LRRC49: variants seen among roughly 807,000 people sequenced by gnomAD.
LRRC49 encodes the protein leucine rich repeat containing 49.
A neutral mutation model predicts 83.3 loss-of-function variants in LRRC49; 50 were observed. The observed-to-expected ratio is 0.60, with a 90% CI of 0.48 to 0.76. The LOEUF is 0.76. LRRC49 is among the 30% of genes least tolerant of loss of function. The pLI is 0.00. For missense variants in LRRC49, 704 were observed against 809.1 expected (o/e 0.87, Z 1.58); for synonymous variants, 286 against 283.3 (o/e 1.01, Z -0.10).
At chr15:70,900,790 T>C in intron 3 of LRRC49, 132 bp from the exon 4 acceptor site, 1 of 625,236 alleles carries the variant, frequency 1.6e-6, no homozygotes, top group South Asian at 1.9e-5. Context: ...ATTTCAAATA[T>C]GGAGAGCTAT....
At chr15:70,922,274 C>A (rs1370343242) in intron 7 of LRRC49, among the ~76,000 whole-genome samples, 1 of 152,084 alleles carries the variant, frequency 6.6e-6, no homozygotes, top group Admixed American at 6.6e-5. Context: ...TTGGGAACAA[C>A]CTAAGTGTCC....
At chr15:70,893,828 A>C (rs1012672437) in intron 2 of LRRC49, among the ~76,000 whole-genome samples, 188 bp downstream of exon 2, 3 of 151,818 alleles carry the variant, frequency 2.0e-5, no homozygotes, top group Non-Finnish European at 4.4e-5. Context: ...TAAAAAACTT[A>C]ATGTGATTTT....
intron 5 of LRRC49, among the ~76,000 whole-genome samples, chr15:70,911,131 T>C (rs1304617295): frequency 6.6e-6 from 1 of 152,186 alleles, no homozygotes; most frequent in Non-Finnish European, 1.5e-5. Context: ...CAAGAATGCC[T>C]CTGTGGCTGG....
rs2037507635 is a variant in LRRC49 at position 70,984,161 on chromosome 15, A to G, written c.1073A>G (p.Asn358Ser). 4.3e-6 allele frequency: 7 copies of G among 1,612,862 alleles called. No individual in the cohort carries two copies. Among genetic ancestry groups the G allele is most frequent in the Middle Eastern group, 1.6e-4 (1 of 6,064 alleles). ...QWDLQQQRVA[N>S]IATNEDRKDS... ...GACTTGCAACAACAACGAGTAGCCA[A>G]TATTGCTACAAATGAAGATAGAAAA... Residue 358 changes from asparagine (N) to serine (S), a missense_variant, in exon 11 of 16, where the codon AAT becomes AGT. By Grantham distance (46) the Asn-to-Ser change is conservative (BLOSUM62 1). This residue lies in a region of LRRC49 where 168 missense variants were observed against 140.6 expected (regional missense o/e 1.20). Coordinates refer to ENST00000260382, the MANE Select transcript of LRRC49 (RefSeq NM_017691.5).
intron 11 of LRRC49, among the ~76,000 whole-genome samples, chr15:70,988,053 CA>C: frequency 6.6e-6 from 1 of 151,830 alleles, no homozygotes; most frequent in African/African-American, 2.4e-5. Flanking sequence ...GCTTTACTTC[CA>C]ACTATGTGGT....
rs765114260 is a variant in LRRC49 at position 71,012,844 on chromosome 15, G to C, written c.1634G>C (p.Gly545Ala). The stretch of plus-strand genomic sequence containing the variant: ...ATGATAATGGCTGAAAGGCTCTTTG[G>C]AATCCTAGCACATGTAGCATCTTCT... ...NDMIMAERLF[G>A]ILAHVASSEL... The change falls in exon 14 of 16, where the codon GGA becomes GCA. Residue 545 changes from glycine (G) to alanine (A), a missense_variant. Gly to Ala is a moderately conservative substitution (Grantham distance 60). Transcript: ENST00000260382. The C allele has an allele frequency of 6.2e-7, 1 of 1,613,136 alleles. No individual in the cohort carries two copies. The highest frequency in any genetic ancestry group is 8.5e-7 in the Non-Finnish European group (1 of 1,179,420).
At position 71,051,612 on chromosome 15, in the gene LRRC49, C is replaced by A. The variant is rs1442401017; in HGVS notation, c.*2000C>A. ...GGGAGTCTGGGTAACTGTTCCCACT[C>A]TAGGCTTTGCAGATGAATGGACCTA... On this transcript the variant is annotated 3_prime_UTR_variant, in exon 16 of 16. Coordinates refer to ENST00000260382, the MANE Select transcript of LRRC49 (RefSeq NM_017691.5). The A allele has an allele frequency of 1.3e-5, 2 of 152,258 alleles. No individual in the cohort carries two copies. Among genetic ancestry groups the A allele is most frequent in the Admixed American group, 1.3e-4 (2 of 15,276 alleles). The allele number at this position is 152,258 out of a possible 1,614,324, so 9.4% of individuals were successfully genotyped here. A position where few individuals can be genotyped will look rare whatever the true frequency, so the allele number is the denominator to read the frequency against.
intron 11 of LRRC49, among the ~76,000 whole-genome samples, chr15:70,997,580 G>C (rs544146452): frequency 6.6e-6 from 1 of 152,022 alleles, no homozygotes; most frequent in African/African-American, 2.4e-5. Context: ...GCGAAACCCC[G>C]TCTCTACTAA....
chr15:70,955,762 T>A (rs1211024341), intron 8 of LRRC49, among the ~76,000 whole-genome samples: 1 of 152,196 alleles, frequency 6.6e-6, no homozygotes, highest in African/African-American at 2.4e-5. Context: ...CATGAATGCA[T>A]TTGAGACCAG....
At chr15:70,870,094 G>C (rs547876845) in intron 1 of LRRC49, among the ~76,000 whole-genome samples, 49 of 152,312 alleles carry the variant, frequency 3.2e-4, no homozygotes, top group African/African-American at 1.2e-3. Context: ...ACAAAATCCA[G>C]AGGACAATTT....
intron 11 of LRRC49, among the ~76,000 whole-genome samples, chr15:70,987,529 CTTCT>C (rs1386760406): frequency 2.6e-5 from 4 of 151,126 alleles, no homozygotes; most frequent in Non-Finnish European, 5.9e-5. Flanking sequence ...TCTCTCTTTT[CTTCT>C]TTATTAGTCT....
At chr15:70,949,918 T>C (rs973006304) in intron 8 of LRRC49, among the ~76,000 whole-genome samples, 6 of 152,146 alleles carry the variant, frequency 3.9e-5, no homozygotes, top group African/African-American at 1.4e-4. Context: ...ACCAAGGTAG[T>C]GAGCACAGTA....
At chr15:71,049,349 G>T (rs1429791705) in intron 15 of LRRC49, 60 bp from the exon 16 acceptor site, 2 of 1,109,100 alleles carry the variant, frequency 1.8e-6, no homozygotes, top group Non-Finnish European at 2.6e-6. Flanking sequence ...TCAGCTAATT[G>T]TTGCTTTGAC....
Position 70,904,758 on chromosome 15 carries a change from ATTC to A in LRRC49, c.500+6_500+8del. The A allele has an allele frequency of 6.2e-7, 1 of 1,608,544 alleles. No homozygotes were observed. The highest frequency in any genetic ancestry group is 8.5e-7 in the Non-Finnish European group (1 of 1,176,002). ...GTCCTTCTGTTGGGGAAAAACAGGTATTCTTTGTAGAGCAGTTTTTGTAGCCTA... is the reference window on the plus strand; with the variant it reads ...GTCCTTCTGTTGGGGAAAAACAGGTATTTGTAGAGCAGTTTTTGTAGCCTA... On this transcript the variant is annotated splice_donor_5th_base_variant and intron_variant, in intron 5 of 15. Transcript: ENST00000260382.
chr15:70,958,262 C>A (rs1459906711), intron 8 of LRRC49, among the ~76,000 whole-genome samples: 15 of 152,020 alleles, frequency 9.9e-5, no homozygotes, highest in Non-Finnish European at 2.1e-4. Flanking sequence ...TTTTCGTATA[C>A]CCTTCATGAC....
chr15:70,982,794 TA>T (rs1210246047), intron 10 of LRRC49, among the ~76,000 whole-genome samples: 1 of 152,194 alleles, frequency 6.6e-6, no homozygotes, highest in Admixed American at 6.5e-5. Flanking sequence ...AAAACATGTT[TA>T]AAACAGAAAT....
rs1337572145 is a variant in LRRC49, at chr15:71,052,134, T to C, written c.*2522T>C. 1.3e-5 allele frequency: 2 copies of C among 152,236 alleles called. No homozygotes were observed. The highest frequency in any genetic ancestry group is 2.9e-5 in the Non-Finnish European group (2 of 68,026). The allele number at this position is 152,236 out of a possible 1,614,324, so 9.4% of individuals were successfully genotyped here. Reference sequence around the variant, plus strand: ...GGTTAGGGATCAAGTGAGGGTCCTATGTTGTAAGTGAGTGGTGATCTAGGG... The same window carrying C: ...GGTTAGGGATCAAGTGAGGGTCCTACGTTGTAAGTGAGTGGTGATCTAGGG... On this transcript the variant is annotated 3_prime_UTR_variant, in exon 16 of 16. Transcript: ENST00000260382.
chr15:71,037,493 A>G (rs2039560948), intron 15 of LRRC49, among the ~76,000 whole-genome samples, 161 bp downstream of exon 15: 1 of 152,138 alleles, frequency 6.6e-6, no homozygotes, highest in South Asian at 2.1e-4. Context: ...TACCCAGGCA[A>G]TTAGGGAGAA....
chr15:70,989,200 A>T (rs139773062), intron 11 of LRRC49, among the ~76,000 whole-genome samples: 1 of 152,028 alleles, frequency 6.6e-6, no homozygotes. Flanking sequence ...CTGGATTGGG[A>T]AAGTTCTCCT....
Sources: allele counts gnomAD v4.1 joint callset (sites outside exome capture counted in the v4.1 genomes callset), GRCh38; gene constraint gnomAD v4.1.1; regional missense constraint gnomAD v4.1.1; transcripts MANE v1.5; gene names NCBI Gene and HGNC (gene_info 2026-07-23, HGNC 2026-07-21).